MYCL: variants seen among roughly 807,000 people sequenced by gnomAD.
The protein encoded by MYCL is protein L-Myc.
Under a neutral mutation model 31.0 loss-of-function variants are expected in MYCL, and 11 were observed. The ratio of observed to expected loss-of-function variants is 0.35; its 90% confidence interval spans 0.22 to 0.59. MYCL has a LOEUF of 0.59. MYCL is among the 20% of genes least tolerant of loss of function. The pLI, the probability that MYCL is intolerant of heterozygous loss-of-function variation, is 0.79. For synonymous variants in MYCL, 208 were observed against 202.4 expected, an observed-to-expected ratio of 1.03 and a Z score of -0.23; for missense variants, 427 against 486.1, an observed-to-expected ratio of 0.88 and a Z score of 1.14.
In MYCL at chr1:39,896,702, C is replaced by T. The variant is rs1401938757; in HGVS notation, c.*670G>A. ...GGAGAGAGCCCAGAGGGCTCTGAGACAAAGAATCTAGAGGCCAAGCTTTTT... is the reference window on the plus strand; with the variant it reads ...GGAGAGAGCCCAGAGGGCTCTGAGATAAAGAATCTAGAGGCCAAGCTTTTT... On this transcript the variant is annotated 3_prime_UTR_variant, in exon 2 of 2. Coordinates refer to ENST00000372816, the MANE Select transcript of MYCL (RefSeq NM_001033081.3). 2 of 215,624 alleles carry T rather than the reference C, an allele frequency of 9.3e-6. No homozygotes were observed. Among genetic ancestry groups the T allele is most frequent in the Non-Finnish European group, 1.9e-5 (2 of 106,712 alleles). 13.4% of individuals were successfully genotyped at this position (215,624 alleles called of 1,614,324 possible). A position where few individuals can be genotyped will look rare whatever the true frequency, so the allele number is the denominator to read the frequency against.
At position 39,895,632 on chromosome 1, in the gene MYCL, A is replaced by C. The variant is rs1644475252; in HGVS notation, c.*1740T>G. ...TTTGCAAAAGGCATACAAAAATACA[A>C]TATAAAAAAAAAAGACTCCCCCAGC... On this transcript the variant is annotated 3_prime_UTR_variant, in exon 2 of 2. Transcript: ENST00000372816. The C allele has an allele frequency of 4.4e-6, 1 of 225,616 alleles. No homozygotes were observed. The highest frequency in any genetic ancestry group is 1.8e-4 in the South Asian group (1 of 5,462). 14.0% of individuals were successfully genotyped at this position (225,616 alleles called of 1,614,324 possible).
Position 39,901,757 on chromosome 1 carries a change from CA to C in MYCL, c.-324del, listed in dbSNP as rs1007486294. On this transcript the variant is annotated 5_prime_UTR_variant, in exon 1 of 2. It introduces an in-frame stop codon into an upstream open reading frame of the 5' UTR. Coordinates refer to ENST00000372816, the MANE Select transcript of MYCL (RefSeq NM_001033081.3). This position sits in a 1 kb window ranked among gnomAD's most constrained non-coding sequence, Gnocchi z 6.9. ...CCGTGCCCAGAAGGCAGCCTGCAGC[CA>C]GCCCGCACCGCGGGACCCGCGCCCG... 3.3e-6 allele frequency: 4 copies of C among 1,215,668 alleles called. No homozygotes were observed. The Admixed American group carries it at 1.7e-4, about 53-fold the overall frequency. The allele number at this position is 1,215,668 out of a possible 1,614,324, so 75.3% of individuals were successfully genotyped here.
At chr1:39,899,541 G>A (rs1337013381) in intron 1 of MYCL, 2 of 867,228 alleles carry the variant, frequency 2.3e-6, no homozygotes, top group Non-Finnish European at 2.8e-6. Flanking sequence ...CCTTTGTAAC[G>A]TTCTGGATCT....
chr1:39,899,085 C>T (rs1644509894), intron 1 of MYCL: 1 of 985,452 alleles, frequency 1.0e-6, no homozygotes, highest in Non-Finnish European at 1.2e-6. Context: ...CCATTCAGCC[C>T]TCCTGGCCCC....
intron 1 of MYCL, chr1:39,898,177 A>G (rs1163747287): frequency 1.4e-6 from 1 of 690,166 alleles, no homozygotes; most frequent in African/African-American, 1.8e-5. Context: ...CATTAGCAAG[A>G]AGGAAAATAT....
At chr1:39,899,528 T>C (rs932682005) in intron 1 of MYCL, 3 of 786,366 alleles carry the variant, frequency 3.8e-6, no homozygotes, top group Non-Finnish European at 4.6e-6. Flanking sequence ...AGTCCACATA[T>C]CACCTTTGTA....
At position 39,901,497 on chromosome 1, in the gene MYCL, TG is replaced by T; in HGVS notation, c.-64del. 6.3e-7 allele frequency: 1 copy of T among 1,576,064 alleles called. No individual in the cohort carries two copies. Among genetic ancestry groups the T allele is most frequent in the Non-Finnish European group, 8.5e-7 (1 of 1,169,780 alleles). The stretch of plus-strand genomic sequence containing the variant: ...CCGGGTGCCGGCCGGGCGAAGGAGG[TG>T]TCCCCGGGTCCCTCGGCACAGTCGG... On this transcript the variant is annotated 5_prime_UTR_variant, in exon 1 of 2. Transcript: ENST00000372816. This position sits in a 1 kb window ranked among gnomAD's most constrained non-coding sequence, Gnocchi z 6.9.
chr1:39,900,958 G>A lies in MYCL; in HGVS notation c.477C>T (p.Ser159=). 6.7e-7 allele frequency: 1 copy of A among 1,497,842 alleles called. No homozygotes were observed. The highest frequency in any genetic ancestry group is 8.9e-7 in the Non-Finnish European group (1 of 1,124,382). The allele number at this position is 1,497,842 out of a possible 1,614,324, so 92.8% of individuals were successfully genotyped here. Residue 159 remains serine (S), a synonymous_variant, in exon 1 of 2, where the codon TCC becomes TCT. Coordinates refer to ENST00000372816, the MANE Select transcript of MYCL (RefSeq NM_001033081.3). ...GEPKTQACSG[S]ESPSDSENEE... is the part of the protein sequence containing the mutation. ...CCTTACCCGAGTCGCTTGGGCTCTC[G>A]GACCCGGAGCAGGCCTGGGTCTTGG...
Position 39,898,784 on chromosome 1 carries a change from A to G in MYCL, c.497-814T>C, listed in dbSNP as rs1004140693. 3 of 985,334 alleles carry G rather than the reference A, an allele frequency of 3.0e-6. No individual in the cohort carries two copies. The African/African-American group carries it at 5.2e-5, about 17-fold the overall frequency. 61.0% of individuals were successfully genotyped at this position (985,334 alleles called of 1,614,324 possible). A position where few individuals can be genotyped will look rare whatever the true frequency, so the allele number is the denominator to read the frequency against. On this transcript the variant is annotated intron_variant, in intron 1 of 1. Transcript: ENST00000372816. ...GACTGGGCAGCAGAATGTCCCAGAT[A>G]TGGGGCTCATAACACCAGAGACCTG...
chr1:39,897,183 G>A lies in MYCL; in HGVS notation c.*189C>T. On this transcript the variant is annotated 3_prime_UTR_variant, in exon 2 of 2. Coordinates refer to ENST00000372816, the MANE Select transcript of MYCL (RefSeq NM_001033081.3). The surrounding 1 kb of genome is among the most constrained non-coding windows in gnomAD (Gnocchi z 4.3). Reference sequence around the variant, plus strand: ...GCACTCCCATGAGTCAGGGAAGAGGGAGAGCTGGGTTTCAAGGTTTCCAAG... The same window carrying A: ...GCACTCCCATGAGTCAGGGAAGAGGAAGAGCTGGGTTTCAAGGTTTCCAAG... The A allele has an allele frequency of 1.5e-6, 1 of 648,732 alleles. No individual in the cohort carries two copies. The highest frequency in any genetic ancestry group is 2.7e-6 in the Non-Finnish European group (1 of 370,402). The allele number at this position is 648,732 out of a possible 1,614,324, so 40.2% of individuals were successfully genotyped here.
intron 1 of MYCL, chr1:39,899,832 A>G (rs764390745): frequency 1.0e-5 from 10 of 985,456 alleles, no homozygotes; most frequent in Non-Finnish European, 1.2e-5. Context: ...ATGGTCGTGT[A>G]AAAGTTATTC....
At position 39,901,123 on chromosome 1, in the gene MYCL, C is replaced by T. The variant is rs2124720109; in HGVS notation, c.312G>A (p.Arg104=). ...GCCGGTCGCTCACAGCTCTCTCCAG[C>T]CGTTCCCGGGCCGAGAAGCCGCTCC... ...CMWSGFSARE[R]LERAVSDRLA... The change falls in exon 1 of 2, where the codon CGG becomes CGA. Residue 104 remains arginine (R), a synonymous_variant. Coordinates refer to ENST00000372816, the MANE Select transcript of MYCL (RefSeq NM_001033081.3). The surrounding 1 kb of genome is among the most constrained non-coding windows in gnomAD (Gnocchi z 6.9). The T allele has an allele frequency of 6.2e-7, 1 of 1,604,622 alleles. No individual in the cohort carries two copies. Among genetic ancestry groups the T allele is most frequent in the Non-Finnish European group, 8.5e-7 (1 of 1,176,144 alleles).
At position 39,901,761 on chromosome 1, in the gene MYCL, C is replaced by CCGCACCG; in HGVS notation, c.-334_-328dup. On this transcript the variant is annotated 5_prime_UTR_variant, in exon 1 of 2. It introduces an in-frame stop codon into an upstream open reading frame of the 5' UTR. Transcript: ENST00000372816. The surrounding 1 kb of genome is among the most constrained non-coding windows in gnomAD (Gnocchi z 6.9). ...GCCCAGAAGGCAGCCTGCAGCCAGC[C>CCGCACCG]CGCACCGCGGGACCCGCGCCCGTGC... 3 of 1,224,318 alleles carry CCGCACCG rather than the reference C, an allele frequency of 2.5e-6. No homozygotes were observed. Among genetic ancestry groups the CCGCACCG allele is most frequent in the Non-Finnish European group, 3.1e-6 (3 of 980,710 alleles). The allele number at this position is 1,224,318 out of a possible 1,614,324, so 75.8% of individuals were successfully genotyped here. A position where few individuals can be genotyped will look rare whatever the true frequency, so the allele number is the denominator to read the frequency against.
At chr1:39,900,879 G>C in intron 1 of MYCL, 60 bp downstream of exon 1, 1 of 1,511,468 alleles carries the variant, frequency 6.6e-7, no homozygotes, top group Non-Finnish European at 8.8e-7. Flanking sequence ...CTCAGGCAGG[G>C]GCAGAGCTTT....
chr1:39,901,782 C>T lies in MYCL; in HGVS notation c.-348G>A, dbSNP rs971751220. On this transcript the variant is annotated 5_prime_UTR_variant, in exon 1 of 2. Coordinates refer to ENST00000372816, the MANE Select transcript of MYCL (RefSeq NM_001033081.3). The surrounding 1 kb of genome is among the most constrained non-coding windows in gnomAD (Gnocchi z 6.9). Reference sequence around the variant, plus strand: ...CAGCCCGCACCGCGGGACCCGCGCCCGTGCCCTGGCCACCCGCAGCCTCAC... The same window carrying T: ...CAGCCCGCACCGCGGGACCCGCGCCTGTGCCCTGGCCACCCGCAGCCTCAC... 1.9e-5 allele frequency: 24 copies of T among 1,267,118 alleles called. No individual in the cohort carries two copies. The highest frequency in any genetic ancestry group is 2.3e-5 in the Non-Finnish European group (23 of 997,450). The allele number at this position is 1,267,118 out of a possible 1,614,324, so 78.5% of individuals were successfully genotyped here.
Position 39,899,763 on chromosome 1 carries a change from C to T in MYCL, c.496+1176G>A, listed in dbSNP as rs1203143352. On this transcript the variant is annotated intron_variant, in intron 1 of 1. Transcript: ENST00000372816. ...AAAAAGACTTTTAATTTTTGTTATC[C>T]TATTTTTTCTCTCAAGTGTAGGAAA... is the stretch of plus-strand genomic sequence containing the variant. The T allele has an allele frequency of 8.1e-6, 8 of 984,330 alleles. No individual in the cohort carries two copies. In the African/African-American group the frequency reaches 1.2e-4, roughly 15 times the overall value. The allele number at this position is 984,330 out of a possible 1,614,324, so 61.0% of individuals were successfully genotyped here.
Position 39,897,813 on chromosome 1 carries a change from A to G in MYCL, c.654T>C (p.Phe218=). Residue 218 remains phenylalanine (F), a synonymous_variant, in exon 2 of 2, where the codon TTT becomes TTC. Transcript: ENST00000372816. This position sits in a 1 kb window ranked among gnomAD's most constrained non-coding sequence, Gnocchi z 4.3. ...CTTCTTGGGAGCAGCTTTCTGGAGGAAAACGGGCAGCATAGTTGTGCTGTT... is the reference window on the plus strand; with the variant it reads ...CTTCTTGGGAGCAGCTTTCTGGAGGGAAACGGGCAGCATAGTTGTGCTGTT... ...HQQQHNYAAR[F]PPESCSQEEA... is the part of the protein sequence containing the mutation. 1 of 1,614,182 alleles carries G rather than the reference A, an allele frequency of 6.2e-7. No homozygotes were observed.
chr1:39,896,395 A>G lies in MYCL; in HGVS notation c.*977T>C, dbSNP rs957811058. ...TGCCGCTCAAGGATTGAGATGAGGC[A>G]GGTGGGAAAGAGGCAGCAGTACAGT... On this transcript the variant is annotated 3_prime_UTR_variant, in exon 2 of 2. Transcript: ENST00000372816. 4.9e-6 allele frequency: 1 copy of G among 203,288 alleles called. No homozygotes were observed. Among genetic ancestry groups the G allele is most frequent in the African/African-American group, 2.3e-5 (1 of 43,650 alleles). The allele number at this position is 203,288 out of a possible 1,614,324, so 12.6% of individuals were successfully genotyped here.
chr1:39,900,644 G>A, intron 1 of MYCL: 3 of 1,324,368 alleles, frequency 2.3e-6, no homozygotes, highest in Non-Finnish European at 1.9e-6. Context: ...ATCCCTTACA[G>A]TCCAACCCCA....
Sources: gnomAD v4.1 joint callset for allele counts on GRCh38, gnomAD v4.1.1 for gene constraint, Gnocchi (gnomAD v3.1) non-coding constraint, MANE v1.5 for transcripts, NCBI Gene and HGNC (gene_info 2026-07-23, HGNC 2026-07-21) for gene names.